The following CEP104 variants were observed in gnomAD, a reference collection of about 807,000 sequenced individuals.
The protein encoded by CEP104 is centrosomal protein of 104 kDa.
CEP104 carries 84 observed loss-of-function variants against 113.3 expected under a neutral mutation model. That is an observed-to-expected ratio of 0.74 (90% CI 0.62 to 0.89). The LOEUF (loss-of-function observed/expected upper bound fraction) is 0.89, where lower values mean the gene tolerates loss of function less well. Among genes scored for constraint, CEP104 ranks in the 40% least tolerant of loss-of-function variants. CEP104 has a pLI of 0.00. For synonymous variants in CEP104, 378 were observed against 421.7 expected, an observed-to-expected ratio of 0.90 and a Z score of 1.27; for missense variants, 1,053 against 1,156.6, an observed-to-expected ratio of 0.91 and a Z score of 1.30.
At chr1:3,828,203 A>G (rs1233750950) in intron 15 of CEP104, among the ~76,000 whole-genome samples, 1 of 152,132 alleles carries the variant, frequency 6.6e-6, no homozygotes, top group Non-Finnish European at 1.5e-5. Context: ...TCATGGCTGG[A>G]GGGAAATCCC....
At chr1:3,828,736 T>G (rs1041402174) in intron 15 of CEP104, among the ~76,000 whole-genome samples, 1 of 152,162 alleles carries the variant, frequency 6.6e-6, no homozygotes, top group Non-Finnish European at 1.5e-5. Context: ...AACTTCATCA[T>G]AAAATTAGTG....
At chr1:3,822,281 A>C (rs1375600086) in intron 20 of CEP104, among the ~76,000 whole-genome samples, 1 of 152,114 alleles carries the variant, frequency 6.6e-6, no homozygotes, top group Non-Finnish European at 1.5e-5. Flanking sequence ...GAGCCAGATA[A>C]CTGGGTAGAC....
chr1:3,828,152 C>T (rs914379780), intron 15 of CEP104, among the ~76,000 whole-genome samples: 1 of 152,152 alleles, frequency 6.6e-6, no homozygotes, highest in Non-Finnish European at 1.5e-5. Context: ...GTGAGGGAGG[C>T]GGGAGGCAGG....
At chr1:3,837,777 G>T (rs906789727) in intron 8 of CEP104, among the ~76,000 whole-genome samples, 2 of 152,256 alleles carry the variant, frequency 1.3e-5, no homozygotes, top group African/African-American at 4.8e-5. Context: ...CATCCAAAAT[G>T]CTAGTGAAGG....
chr1:3,845,072 G>A, intron 5 of CEP104, 89 bp from the exon 6 acceptor site: 2 of 1,180,486 alleles, frequency 1.7e-6, no homozygotes, highest in East Asian at 2.4e-5. Context: ...ATATAAAGCT[G>A]TCAGCAAGGT....
chr1:3,849,046 G>A (rs551059749), intron 2 of CEP104, among the ~76,000 whole-genome samples: 31 of 152,238 alleles, frequency 2.0e-4, no homozygotes, highest in African/African-American at 6.3e-4. Flanking sequence ...CTAGTAAATG[G>A]TCTGATGTGA....
chr1:3,852,797 C>T (rs1423987879), intron 1 of CEP104, among the ~76,000 whole-genome samples: 1 of 152,116 alleles, frequency 6.6e-6, no homozygotes, highest in East Asian at 1.9e-4. Context: ...GGGGTGGGCC[C>T]AATGCAACGT....
chr1:3,850,182 G>A (rs943582315), intron 2 of CEP104, among the ~76,000 whole-genome samples: 2 of 152,200 alleles, frequency 1.3e-5, no homozygotes, highest in Non-Finnish European at 2.9e-5. Flanking sequence ...CCATGATTGA[G>A]TGATGTAGGA....
In CEP104 at chr1:3,819,288, G is replaced by A. The variant is rs185774256; in HGVS notation, c.2572-2918C>T. ...GGCAAATCCATGGAGACCAAAACTA[G>A]ACATATGGTCGCCAGGGGCTGGAGA... On this transcript the variant is annotated intron_variant, in intron 20 of 21. Coordinates refer to ENST00000378230, the MANE Select transcript of CEP104 (RefSeq NM_014704.4). This position sits in a 1 kb window ranked among gnomAD's most constrained non-coding sequence, Gnocchi z 4.6. 4.3e-4 allele frequency among the ~76,000 whole-genome samples: 66 copies of A among 152,252 alleles called. No homozygotes were observed. The highest frequency in any genetic ancestry group is 1.6e-3 in the African/African-American group (66 of 41,532).
Position 3,839,139 on chromosome 1 carries a change from C to T in CEP104, c.736-20G>A. On this transcript the variant is annotated intron_variant, in intron 7 of 21. Coordinates refer to ENST00000378230, the MANE Select transcript of CEP104 (RefSeq NM_014704.4). ...ACCAACCTGAAGCACAAAATATTTG[C>T]TTTTTCTTTCAAATTTGGATCAACT... 1 of 1,611,816 alleles carries T rather than the reference C, an allele frequency of 6.2e-7. No individual in the cohort carries two copies. The highest frequency in any genetic ancestry group is 8.5e-7 in the Non-Finnish European group (1 of 1,177,992).
chr1:3,818,305 CCCA>C (rs1473938242), intron 20 of CEP104, among the ~76,000 whole-genome samples: 2 of 152,164 alleles, frequency 1.3e-5, no homozygotes, highest in African/African-American at 4.8e-5. Flanking sequence ...GCTTACAAAC[CCCA>C]CATTTCCACC....
intron 11 of CEP104, 50 bp from the exon 12 acceptor site, chr1:3,834,085 C>A: frequency 7.2e-7 from 1 of 1,392,694 alleles, no homozygotes; most frequent in Non-Finnish European, 1.0e-6. Flanking sequence ...GCAATTCCAC[C>A]AAGAGGAAAC....
chr1:3,839,796 A>G lies in CEP104; in HGVS notation c.567-20T>C. On this transcript the variant is annotated intron_variant, in intron 6 of 21. Transcript: ENST00000378230. ...GATTTCCTAAAGGGAAGAAATGCATATTTTAGAGATAATTTCACGCCCTAG... is the reference window on the plus strand; with the variant it reads ...GATTTCCTAAAGGGAAGAAATGCATGTTTTAGAGATAATTTCACGCCCTAG... 6.2e-7 allele frequency: 1 copy of G among 1,600,268 alleles called. No homozygotes were observed. Among genetic ancestry groups the G allele is most frequent in the South Asian group, 1.1e-5 (1 of 89,334 alleles).
intron 10 of CEP104, 117 bp from the exon 11 acceptor site, chr1:3,835,209 TA>T: frequency 1.5e-6 from 1 of 681,550 alleles, no homozygotes; most frequent in Non-Finnish European, 2.2e-6. Context: ...ACAGAACTTT[TA>T]TAAATGAAAA....
rs1253452752 is a variant in CEP104 at position 3,857,063 on chromosome 1, G to C, written c.-189C>G. On this transcript the variant is annotated 5_prime_UTR_variant, in exon 1 of 22. Coordinates refer to ENST00000378230, the MANE Select transcript of CEP104 (RefSeq NM_014704.4). ...TTCCTCGGCAGCCGCCGCTTCCTCAGACGGAACTCGGGGGGCGCCCCTTCC... is the reference window on the plus strand; with the variant it reads ...TTCCTCGGCAGCCGCCGCTTCCTCACACGGAACTCGGGGGGCGCCCCTTCC... 1.3e-5 allele frequency: 2 copies of C among 152,236 alleles called. No homozygotes were observed. Among genetic ancestry groups the C allele is most frequent in the African/African-American group, 4.8e-5 (2 of 41,452 alleles). The allele number at this position is 152,236 out of a possible 1,614,324, so 9.4% of individuals were successfully genotyped here. A position where few individuals can be genotyped will look rare whatever the true frequency, so the allele number is the denominator to read the frequency against.
At chr1:3,845,432 G>A (rs1570838418) in intron 4 of CEP104, 81 bp from the exon 5 acceptor site, 3 of 1,096,704 alleles carry the variant, frequency 2.7e-6, no homozygotes, top group Non-Finnish European at 4.1e-6. Flanking sequence ...TTTTGAGACA[G>A]GGTCTCGTCT....
chr1:3,820,161 T>C (rs1643943209), intron 20 of CEP104, among the ~76,000 whole-genome samples: 1 of 152,154 alleles, frequency 6.6e-6, no homozygotes, highest in South Asian at 2.1e-4. Flanking sequence ...GTGACAGCCT[T>C]ACAGGTACTA....
chr1:3,852,896 C>T (rs1186951736), intron 1 of CEP104, among the ~76,000 whole-genome samples: 11 of 142,318 alleles, frequency 7.7e-5, no homozygotes, highest in Non-Finnish European at 1.4e-4. Flanking sequence ...CATCTCTAAG[C>T]GGGCCGGCCA....
chr1:3,824,070 A>G (rs1363451347), intron 18 of CEP104, among the ~76,000 whole-genome samples: 1 of 152,146 alleles, frequency 6.6e-6, no homozygotes, highest in East Asian at 1.9e-4. Flanking sequence ...TTTTCTTCAT[A>G]AATTACCCAG....
Sources: allele counts gnomAD v4.1 joint callset (sites outside exome capture counted in the v4.1 genomes callset), GRCh38; gene constraint gnomAD v4.1.1; non-coding constraint Gnocchi (gnomAD v3.1); transcripts MANE v1.5; gene names NCBI Gene and HGNC (gene_info 2026-07-23, HGNC 2026-07-21).